DMD: variants seen among roughly 807,000 people sequenced by gnomAD.
The protein encoded by DMD is mutant dystrophin.
DMD carries 63 observed loss-of-function variants against 330.1 expected under a neutral mutation model. The ratio of observed to expected loss-of-function variants is 0.19; its 90% CI spans 0.16 to 0.24. DMD has a LOEUF of 0.24. DMD is among the 10% of genes least tolerant of loss of function. The pLI, the probability that DMD is intolerant of heterozygous loss-of-function variation, is 1.00. For synonymous variants in DMD, 1,223 were observed against 959.8 expected, an observed-to-expected ratio of 1.27 and a Z score of -5.07; for missense variants, 3,344 against 2,684.1, an observed-to-expected ratio of 1.25 and a Z score of -5.43.
At chrX:32,477,670 A>G (rs1473134973) in intron 21 of DMD, among the ~76,000 whole-genome samples, 1 of 111,044 alleles carries the variant, frequency 9.0e-6, no homozygotes, top group African/African-American at 3.3e-5. Context: ...AAATTCTGAG[A>G]GACATAACTA....
At chrX:31,628,009 C>T (rs982961301) in intron 54 of DMD, 147 bp from the exon 55 acceptor site, 1 of 569,271 alleles carries the variant, frequency 1.8e-6, no homozygotes, top group Admixed American at 2.7e-5. Flanking sequence ...CTTTAAGCAA[C>T]AACTATAATA....
Position 32,362,849 on chromosome X carries a change from G to T in DMD, c.5264C>A (p.Pro1755His), listed in dbSNP as rs1459135347. The T allele has an allele frequency of 8.3e-7, 1 of 1,208,665 alleles. No homozygotes were observed. The highest frequency in any genetic ancestry group is 3.0e-5 in the East Asian group (1 of 33,724). ...RGDHCRKLVE[P>H]QISELNHRFA... is the part of the protein sequence containing the mutation. ...TCGATGGTTGAGCTCTGAGATTTGGGGCTCTACTAATTTCCTGCAGTGGTC... is the reference window on the plus strand; with the variant it reads ...TCGATGGTTGAGCTCTGAGATTTGGTGCTCTACTAATTTCCTGCAGTGGTC... The change falls in exon 37 of 79, where the codon CCC becomes CAC. Residue 1755 changes from proline to histidine, a missense_variant. Physicochemically the swap from Pro to His is moderately conservative, Grantham distance 77 (BLOSUM62 -2). Transcript: ENST00000357033.
chrX:32,380,426 T>C (rs2097919938), intron 34 of DMD, 84 bp downstream of exon 34: 15 of 858,323 alleles, frequency 1.7e-5, no homozygotes, highest in Non-Finnish European at 2.2e-5. Flanking sequence ...ATGCTATTAT[T>C]GCTACATGTT....
intron 52 of DMD, among the ~76,000 whole-genome samples, chrX:31,723,623 AACACACACACACACACAC>A (rs55718177): frequency 5.1e-5 from 4 of 77,684 alleles, no homozygotes; most frequent in Non-Finnish European, 9.8e-5. Context: ...TATCCTCCAC[AACACACACACACACACAC>A]ACACACACAC....
chrX:32,807,358 A>T (rs1023291975), intron 7 of DMD, among the ~76,000 whole-genome samples: 13 of 111,090 alleles, frequency 1.2e-4, no homozygotes, highest in African/African-American at 3.6e-4. Flanking sequence ...TGTTTAAGCG[A>T]TAAGATGCTC....
At chrX:31,274,285 G>T (rs746200506) in intron 62 of DMD, among the ~76,000 whole-genome samples, 63 of 112,206 alleles carry the variant, frequency 5.6e-4, no homozygotes, top group South Asian at 1.5e-3. Flanking sequence ...AATTCACAGC[G>T]TTTGCTATCA....
At chrX:32,665,905 T>G (rs2061272264) in intron 9 of DMD, among the ~76,000 whole-genome samples, 1 of 111,848 alleles carries the variant, frequency 8.9e-6, no homozygotes, top group Non-Finnish European at 1.9e-5. Context: ...AAGATCATTC[T>G]GGATGCAGTG....
chrX:31,266,159 C>CAAAAAAAAAAAAAAAAA lies in DMD; in HGVS notation c.9225-5160_9225-5144dup, dbSNP rs1174153877. Among the ~76,000 whole-genome samples, 13 of 13,331 alleles carry CAAAAAAAAAAAAAAAAA rather than the reference C, an allele frequency of 9.8e-4. 1 individual carries two copies. The highest frequency in any genetic ancestry group is 1.9e-3 in the African/African-American group (5 of 2,692). 11.6% of individuals were successfully genotyped at this position (13,331 alleles called of 115,157 possible). ...TGACTCCACACCCAATCCCGAAGGGCAAAAAAAAAAAAAAAAAAAAAAAAG... is the reference window on the plus strand; with the variant it reads ...TGACTCCACACCCAATCCCGAAGGGCAAAAAAAAAAAAAAAAAAAAAAAAAAAAAAAAAAAAAAAAAG... On this transcript the variant is annotated intron_variant, in intron 62 of 78. Coordinates refer to ENST00000357033, the MANE Select transcript of DMD (RefSeq NM_004006.3).
intron 17 of DMD, among the ~76,000 whole-genome samples, chrX:32,525,019 G>A (rs906492452): frequency 1.8e-5 from 2 of 111,825 alleles, no homozygotes; most frequent in Non-Finnish European, 3.8e-5. Context: ...ATATTAATGA[G>A]TTTGGACTCT....
At chrX:33,115,836 A>G (rs772405635) in intron 1 of DMD, among the ~76,000 whole-genome samples, 1 of 110,806 alleles carries the variant, frequency 9.0e-6, no homozygotes, top group South Asian at 3.9e-4. Flanking sequence ...TGAACACAGT[A>G]TTACTTATAC....
intron 7 of DMD, among the ~76,000 whole-genome samples, chrX:32,727,020 G>T (rs146369090): frequency 9.0e-6 from 1 of 110,823 alleles, no homozygotes; most frequent in Admixed American, 9.7e-5. Context: ...GTTAAAGGCA[G>T]TCATGGTTCC....
At chrX:32,346,207 A>G in intron 38 of DMD, 127 bp from the exon 39 acceptor site, 2 of 733,417 alleles carry the variant, frequency 2.7e-6, no homozygotes, top group Admixed American at 2.7e-5. Context: ...ATGGAATGCT[A>G]TTATAAGATA....
intron 13 of DMD, among the ~76,000 whole-genome samples, chrX:32,586,467 T>C (rs1403616224): frequency 9.2e-6 from 1 of 109,056 alleles, no homozygotes; most frequent in Admixed American, 9.8e-5. Context: ...TTATATTATA[T>C]ATATTTGTAC....
chrX:32,244,696 T>C (rs1603629022), intron 43 of DMD, among the ~76,000 whole-genome samples: 1 of 93,737 alleles, frequency 1.1e-5, no homozygotes, highest in Non-Finnish European at 2.1e-5. Flanking sequence ...TTGATTTGCA[T>C]TACTCTGATG....
At chrX:32,335,461 G>C (rs966504830) in intron 41 of DMD, among the ~76,000 whole-genome samples, 1 of 102,368 alleles carries the variant, frequency 9.8e-6, no homozygotes, top group South Asian at 4.2e-4. Context: ...GTATATACAT[G>C]TATATATAAC....
intron 47 of DMD, among the ~76,000 whole-genome samples, chrX:31,923,638 G>A (rs969229128): frequency 6.7e-5 from 6 of 89,230 alleles, no homozygotes; most frequent in East Asian, 6.9e-4. Flanking sequence ...TTGCTCTGTC[G>A]CCAGGCTGGA....
At chrX:31,257,736 G>C (rs1464390743) in intron 63 of DMD, among the ~76,000 whole-genome samples, 4 of 111,896 alleles carry the variant, frequency 3.6e-5, no homozygotes, top group Non-Finnish European at 7.5e-5. Context: ...CCTGAGGTCA[G>C]GAGTTCGAGA....
intron 67 of DMD, among the ~76,000 whole-genome samples, chrX:31,196,441 C>T (rs1448776908): frequency 9.0e-6 from 1 of 111,079 alleles, no homozygotes; most frequent in Non-Finnish European, 1.9e-5. Context: ...AACCAAAGGG[C>T]CCACAGTCTG....
chrX:31,667,968 G>C (rs756555729), intron 53 of DMD, among the ~76,000 whole-genome samples: 45 of 111,308 alleles, frequency 4.0e-4, no homozygotes, highest in African/African-American at 1.4e-3. Flanking sequence ...CATCCTAGTG[G>C]GTAAAAAGTA....
Sources: allele counts gnomAD v4.1 joint callset (sites outside exome capture counted in the v4.1 genomes callset), GRCh38; gene constraint gnomAD v4.1.1; transcripts MANE v1.5; gene names NCBI Gene and HGNC (gene_info 2026-07-23, HGNC 2026-07-21).